Variants in ATF3 observed in about 807,000 individuals in gnomAD.
ATF3 encodes the protein cyclic AMP-dependent transcription factor ATF-3.
ATF3 carries 10 observed loss-of-function variants against 18.4 expected under a neutral mutation model. The observed-to-expected ratio is 0.54, with a 90% CI of 0.34 to 0.92. The LOEUF (loss-of-function observed/expected upper bound fraction) is 0.92, where lower values mean the gene tolerates loss of function less well. ATF3 is among the 40% of genes least tolerant of loss of function. ATF3 has a pLI of 0.02. For missense variants in ATF3, 183 were observed against 222.3 expected, an observed-to-expected ratio of 0.82 and a Z score of 1.12; for synonymous variants, 78 against 87.9, an observed-to-expected ratio of 0.89 and a Z score of 0.63.
intron 1 of ATF3, among the ~76,000 whole-genome samples, chr1:212,575,987 T>A (rs1375686455): frequency 6.6e-6 from 1 of 152,138 alleles, no homozygotes; most frequent in East Asian, 1.9e-4. Context: ...AAAAATAAGT[T>A]CGGAAATTCT....
intron 1 of ATF3, among the ~76,000 whole-genome samples, chr1:212,612,688 A>G (rs1473656093): frequency 1.3e-5 from 2 of 152,224 alleles, no homozygotes; most frequent in Non-Finnish European, 2.9e-5. Context: ...AATTACATAC[A>G]TAGCCTGGGT....
chr1:212,584,806 CCT>C (rs1481595724), intron 1 of ATF3, among the ~76,000 whole-genome samples: 1 of 152,218 alleles, frequency 6.6e-6, no homozygotes, highest in Admixed American at 6.5e-5. Context: ...CCTAACATGG[CCT>C]CTCTCTTTCA....
In ATF3 at chr1:212,618,970, C is replaced by T. The variant is rs1268855506; in HGVS notation, c.349-388C>T. ...TTGTGTGTTGCTATATACATTTTTT[C>T]TGGGGAGATGAGCTTCTCATTGAGA... is the stretch of plus-strand genomic sequence containing the variant. On this transcript the variant is annotated intron_variant, in intron 3 of 3. Transcript: ENST00000341491. This position sits in a 1 kb window ranked among gnomAD's most constrained non-coding sequence, Gnocchi z 4.4. 1.3e-6 allele frequency: 2 copies of T among 1,580,218 alleles called. No individual in the cohort carries two copies. Among genetic ancestry groups the T allele is most frequent in the Non-Finnish European group, 1.7e-6 (2 of 1,150,556 alleles).
intron 1 of ATF3, among the ~76,000 whole-genome samples, chr1:212,596,299 C>T (rs1038759943): frequency 6.6e-6 from 1 of 152,212 alleles, no homozygotes; most frequent in African/African-American, 2.4e-5. Flanking sequence ...TTATCACTAG[C>T]GTGTTAGCAA....
intron 1 of ATF3, among the ~76,000 whole-genome samples, chr1:212,601,373 T>C (rs943163473): frequency 6.6e-6 from 1 of 152,226 alleles, no homozygotes; most frequent in Admixed American, 6.5e-5. Context: ...AGGTCAACTC[T>C]AGAAGCATCT....
At chr1:212,583,900 G>A (rs906437235) in intron 1 of ATF3, among the ~76,000 whole-genome samples, 5 of 152,106 alleles carry the variant, frequency 3.3e-5, no homozygotes, top group African/African-American at 9.7e-5. Flanking sequence ...ATAGACTGAC[G>A]CATTCAACAG....
intron 1 of ATF3, among the ~76,000 whole-genome samples, chr1:212,583,638 A>T (rs1296108374): frequency 6.6e-6 from 1 of 152,196 alleles, no homozygotes; most frequent in Non-Finnish European, 1.5e-5. Context: ...CTGAAGAAAC[A>T]CGACCACTGT....
chr1:212,588,247 A>G (rs138257667), intron 1 of ATF3, among the ~76,000 whole-genome samples: 1 of 152,226 alleles, frequency 6.6e-6, no homozygotes, highest in Non-Finnish European at 1.5e-5. Flanking sequence ...GGATTAATTG[A>G]AACTGCACGT....
Position 212,614,998 on chromosome 1 carries a change from G to A in ATF3, c.-4-20G>A. ...GCCCCAGAGCCCCTGAAACAGTTTG[G>A]GTTTCAATGTGTCTTTCAGCAAAAT... is the stretch of plus-strand genomic sequence containing the variant. On this transcript the variant is annotated intron_variant, in intron 1 of 3. Coordinates refer to ENST00000341491, the MANE Select transcript of ATF3 (RefSeq NM_001674.4). The A allele has an allele frequency of 6.2e-7, 1 of 1,614,158 alleles. No individual in the cohort carries two copies. The highest frequency in any genetic ancestry group is 1.7e-5 in the Admixed American group (1 of 60,030).
intron 1 of ATF3, among the ~76,000 whole-genome samples, chr1:212,592,087 C>A (rs1184644600): frequency 1.3e-5 from 2 of 152,172 alleles, no homozygotes; most frequent in African/African-American, 4.8e-5. Flanking sequence ...CAACCATCAC[C>A]ACCATCTGTC....
intron 1 of ATF3, among the ~76,000 whole-genome samples, chr1:212,601,646 C>G (rs181952774): frequency 2.6e-5 from 4 of 152,222 alleles, no homozygotes; most frequent in Admixed American, 2.0e-4. Context: ...AAATAAGATA[C>G]TGGGTATTTT....
intron 1 of ATF3, among the ~76,000 whole-genome samples, chr1:212,588,357 C>T (rs544828154): frequency 6.6e-6 from 1 of 152,138 alleles, no homozygotes; most frequent in Non-Finnish European, 1.5e-5. Context: ...AGAGTGAAGA[C>T]AGGTTTGCTG....
At chr1:212,575,733 A>G (rs1375971026) in intron 1 of ATF3, among the ~76,000 whole-genome samples, 1 of 152,154 alleles carries the variant, frequency 6.6e-6, no homozygotes, top group African/African-American at 2.4e-5. Flanking sequence ...AATGAATGCT[A>G]TATTCTGTCA....
At chr1:212,574,780 A>G (rs1169376975) in intron 1 of ATF3, among the ~76,000 whole-genome samples, 3 of 152,052 alleles carry the variant, frequency 2.0e-5, no homozygotes, top group African/African-American at 2.4e-5. Flanking sequence ...TTGTGAGGCT[A>G]TTTCAGTCAT....
At chr1:212,566,873 A>G (rs1664391615) in intron 1 of ATF3, among the ~76,000 whole-genome samples, 2 of 152,126 alleles carry the variant, frequency 1.3e-5, no homozygotes, top group Non-Finnish European at 2.9e-5. Flanking sequence ...TGGGAAAGTA[A>G]AACCTCGTAC....
At chr1:212,574,837 G>T (rs889342560) in intron 1 of ATF3, among the ~76,000 whole-genome samples, 1 of 151,772 alleles carries the variant, frequency 6.6e-6, no homozygotes, top group Admixed American at 6.6e-5. Flanking sequence ...GCTTTTGTTC[G>T]GTTCCATTAA....
chr1:212,572,888 A>G (rs886203764), intron 1 of ATF3, among the ~76,000 whole-genome samples: 3 of 152,246 alleles, frequency 2.0e-5, no homozygotes, highest in Non-Finnish European at 2.9e-5. Flanking sequence ...TAGAAAAGCA[A>G]TGTAGCAAAT....
chr1:212,569,339 G>A (rs1395271322), intron 1 of ATF3, among the ~76,000 whole-genome samples: 1 of 152,196 alleles, frequency 6.6e-6, no homozygotes, highest in Non-Finnish European at 1.5e-5. Context: ...TACACTTTCT[G>A]ACTTCGAATT....
chr1:212,607,085 C>G (rs1406229166), upstream of ATF3, among the ~76,000 whole-genome samples: 1 of 152,250 alleles, frequency 6.6e-6, no homozygotes, highest in Non-Finnish European at 1.5e-5. Context: ...CGCCGGGGCG[C>G]AAAGACTTCC....
Sources: gnomAD v4.1 joint callset for allele counts (sites outside exome capture counted in the v4.1 genomes callset) on GRCh38, gnomAD v4.1.1 for gene constraint, Gnocchi (gnomAD v3.1) non-coding constraint, MANE v1.5 for transcripts, NCBI Gene and HGNC (gene_info 2026-07-23, HGNC 2026-07-21) for gene names.